Variants in PTPRD observed in about 807,000 individuals in gnomAD.
PTPRD encodes the protein receptor-type tyrosine-protein phosphatase delta.
Under a neutral mutation model 214.5 loss-of-function variants are expected in PTPRD, and 34 were observed. The observed-to-expected ratio is 0.16, with a 90% CI of 0.12 to 0.21. PTPRD has a LOEUF of 0.21. Among genes scored for constraint, PTPRD ranks in the 10% least tolerant of loss-of-function variants. The pLI is 1.00. For missense variants in PTPRD, 2,545 were observed against 2,398.7 expected (o/e 1.06, Z -1.27); for synonymous variants, 1,128 against 845.7 (o/e 1.33, Z -5.79).
chr9:8,699,306 C>T (rs2098015153), intron 12 of PTPRD, among the ~76,000 whole-genome samples: 1 of 152,072 alleles, frequency 6.6e-6, no homozygotes, highest in Admixed American at 6.6e-5. Context: ...TCAACATATC[C>T]CCACAGAAAG....
intron 2 of PTPRD, among the ~76,000 whole-genome samples, chr9:10,471,260 C>A (rs150791513): frequency 0.011 from 1,685 of 151,774 alleles, 30 homozygotes; most frequent in African/African-American, 0.038. Flanking sequence ...TTAACCTGCA[C>A]GTTATGCACA....
At chr9:9,645,012 G>C (rs375738716) in intron 7 of PTPRD, among the ~76,000 whole-genome samples, 156 of 152,320 alleles carry the variant, frequency 1.0e-3, no homozygotes, top group African/African-American at 3.7e-3. Context: ...CTGTCACCTT[G>C]ACTCTCCATT....
intron 5 of PTPRD, among the ~76,000 whole-genome samples, chr9:9,808,816 G>C (rs528112136): frequency 1.3e-4 from 20 of 152,136 alleles, no homozygotes; most frequent in Admixed American, 3.3e-4. Context: ...TTGTTTTACA[G>C]GCTAGAACGC....
chr9:9,505,352 C>G (rs575696076), intron 8 of PTPRD, among the ~76,000 whole-genome samples: 1 of 151,496 alleles, frequency 6.6e-6, no homozygotes, highest in African/African-American at 2.4e-5. Flanking sequence ...TGTTGGTCTA[C>G]TTTGCCATCA....
intron 3 of PTPRD, among the ~76,000 whole-genome samples, chr9:10,253,460 C>A (rs1261378986): frequency 6.6e-6 from 1 of 152,212 alleles, no homozygotes; most frequent in Admixed American, 6.5e-5. Flanking sequence ...ATCCACTCAG[C>A]GGCTCAGCTG....
At chr9:8,958,544 C>T (rs551057519) in intron 11 of PTPRD, among the ~76,000 whole-genome samples, 1 of 151,884 alleles carries the variant, frequency 6.6e-6, no homozygotes, top group Non-Finnish European at 1.5e-5. Context: ...ATGATAAACC[C>T]ATTATCTACA....
intron 2 of PTPRD, among the ~76,000 whole-genome samples, chr9:10,449,080 C>G (rs1328792272): frequency 6.6e-6 from 1 of 152,046 alleles, no homozygotes; most frequent in Non-Finnish European, 1.5e-5. Flanking sequence ...CGGTCTCCCT[C>G]TGATGCCCAG....
chr9:10,018,613 T>A (rs1456078283), intron 4 of PTPRD, among the ~76,000 whole-genome samples: 1 of 124,908 alleles, frequency 8.0e-6, no homozygotes, highest in African/African-American at 2.8e-5. Context: ...AGTGGCGGGA[T>A]CTCGGCTCAC....
intron 11 of PTPRD, among the ~76,000 whole-genome samples, chr9:8,881,434 C>T (rs1003603055): frequency 1.3e-5 from 2 of 152,182 alleles, no homozygotes; most frequent in African/African-American, 4.8e-5. Context: ...TCCTCTCAAA[C>T]ATGAGAATAT....
chr9:9,415,360 G>C (rs2076693915), intron 8 of PTPRD, among the ~76,000 whole-genome samples: 1 of 152,084 alleles, frequency 6.6e-6, no homozygotes, highest in Admixed American at 6.5e-5. Context: ...TGTAATCCCA[G>C]CTACTTGGGA....
intron 11 of PTPRD, among the ~76,000 whole-genome samples, chr9:8,806,078 T>G (rs867333540): frequency 1.3e-5 from 2 of 150,988 alleles, no homozygotes; most frequent in African/African-American, 4.8e-5. Context: ...TGACCACCAC[T>G]ATGCCCAGCT....
intron 11 of PTPRD, among the ~76,000 whole-genome samples, chr9:8,865,096 T>C (rs112982991): frequency 9.2e-5 from 14 of 152,178 alleles, no homozygotes; most frequent in African/African-American, 3.4e-4. Flanking sequence ...TTTATGTAAA[T>C]CTGGTTGATG....
At chr9:10,595,807 A>G (rs1289081934) in intron 2 of PTPRD, among the ~76,000 whole-genome samples, 1 of 151,706 alleles carries the variant, frequency 6.6e-6, no homozygotes, top group East Asian at 1.9e-4. Flanking sequence ...ATTCCATTAT[A>G]TATCAGAGTA....
intron 12 of PTPRD, among the ~76,000 whole-genome samples, chr9:8,719,286 T>C (rs73427580): frequency 6.6e-6 from 1 of 152,192 alleles, no homozygotes; most frequent in Non-Finnish European, 1.5e-5. Context: ...AGCAATAACA[T>C]GCAAAGCTTT....
At chr9:8,871,505 G>T (rs538337143) in intron 11 of PTPRD, among the ~76,000 whole-genome samples, 2 of 152,254 alleles carry the variant, frequency 1.3e-5, no homozygotes, top group Admixed American at 6.5e-5. Context: ...TTAGACTTCA[G>T]CAGACTTTAT....
intron 2 of PTPRD, among the ~76,000 whole-genome samples, chr9:10,468,925 A>G (rs1399741053): frequency 6.6e-6 from 1 of 152,194 alleles, no homozygotes; most frequent in Non-Finnish European, 1.5e-5. Context: ...CCATTTGACA[A>G]AAGTCAATAT....
chr9:9,833,690 C>CGG (rs1565616433), intron 5 of PTPRD, among the ~76,000 whole-genome samples: 19 of 132,812 alleles, frequency 1.4e-4, no homozygotes, highest in East Asian at 2.8e-4. Flanking sequence ...GAGAGGGGGG[C>CGG]AGTTCAGAGA....
At chr9:10,437,709 G>A (rs796763415) in intron 2 of PTPRD, among the ~76,000 whole-genome samples, 2 of 151,336 alleles carry the variant, frequency 1.3e-5, no homozygotes, top group African/African-American at 4.8e-5. Context: ...TTCAAAGAAG[G>A]GTGACATGGT....
At chr9:9,386,736 T>C (rs536314976) in intron 9 of PTPRD, among the ~76,000 whole-genome samples, 84 of 152,246 alleles carry the variant, frequency 5.5e-4, no homozygotes, top group African/African-American at 1.6e-3. Context: ...GTGTTCATTG[T>C]TAAATTAACC....
Sources: gnomAD v4.1 joint callset for allele counts (sites outside exome capture counted in the v4.1 genomes callset) on GRCh38, gnomAD v4.1.1 for gene constraint, MANE v1.5 for transcripts, NCBI Gene and HGNC (gene_info 2026-07-23, HGNC 2026-07-21) for gene names.